Variants in GALNTL6 observed in about 807,000 individuals in gnomAD.
GALNTL6 encodes polypeptide N-acetylgalactosaminyltransferase-like 6.
A neutral mutation model predicts 73.7 loss-of-function variants in GALNTL6; 46 were observed. The ratio of observed to expected loss-of-function variants is 0.62; its 90% confidence interval spans 0.49 to 0.80. The LOEUF is 0.80. GALNTL6 is among the 30% of genes least tolerant of loss of function. The probability of loss-of-function intolerance (pLI) is 0.00; values close to 1 mark genes in which losing one functional copy is unlikely to be tolerated. For missense variants in GALNTL6, 604 were observed against 755.0 expected (o/e 0.80, Z 2.34); for synonymous variants, 259 against 263.7 (o/e 0.98, Z 0.17).
chr4:172,680,514 A>G lies in GALNTL6; in HGVS notation c.554-128847A>G, dbSNP rs565245991. On this transcript the variant is annotated intron_variant, in intron 5 of 12. Coordinates refer to ENST00000506823, the MANE Select transcript of GALNTL6 (RefSeq NM_001034845.3). ...AATTAAGAGATCTAAATTATAGATG[A>G]GACTCTGTTTTTGAGCAGCTGTATG... is the stretch of plus-strand genomic sequence containing the variant. Among the ~76,000 whole-genome samples, 4 of 152,290 alleles carry G rather than the reference A, an allele frequency of 2.6e-5. No homozygotes were observed. In the East Asian group the frequency reaches 7.7e-4, roughly 29 times the overall value.
chr4:172,267,721 TCTC>T (rs1395671931), intron 3 of GALNTL6, among the ~76,000 whole-genome samples: 1 of 152,122 alleles, frequency 6.6e-6, no homozygotes, highest in Non-Finnish European at 1.5e-5. Flanking sequence ...CCAACCTAGC[TCTC>T]CTATTTCTCC....
chr4:172,186,517 A>G (rs1735418892), intron 2 of GALNTL6, among the ~76,000 whole-genome samples: 1 of 152,128 alleles, frequency 6.6e-6, no homozygotes, highest in African/African-American at 2.4e-5. Flanking sequence ...CTCAATGTCT[A>G]CCATCAGATA....
intron 3 of GALNTL6, among the ~76,000 whole-genome samples, chr4:172,242,442 T>G (rs1394639696): frequency 6.6e-6 from 1 of 152,148 alleles, no homozygotes; most frequent in Non-Finnish European, 1.5e-5. Context: ...TTATTTTAAC[T>G]CAAAATATTG....
intron 2 of GALNTL6, among the ~76,000 whole-genome samples, chr4:172,053,764 G>A (rs1373958458): frequency 1.3e-5 from 2 of 152,080 alleles, no homozygotes; most frequent in Non-Finnish European, 2.9e-5. Context: ...CACATATTTT[G>A]TGTGTCTGTG....
intron 3 of GALNTL6, among the ~76,000 whole-genome samples, chr4:172,245,566 CAG>C (rs1737630399): frequency 6.6e-6 from 1 of 152,160 alleles, no homozygotes; most frequent in Non-Finnish European, 1.5e-5. Context: ...GCTGTATTTA[CAG>C]AGAGTCTCCC....
At chr4:172,023,026 CA>C (rs962674717) in intron 2 of GALNTL6, among the ~76,000 whole-genome samples, 7 of 151,856 alleles carry the variant, frequency 4.6e-5, no homozygotes, top group African/African-American at 1.7e-4. Context: ...TTTCTTCTAC[CA>C]AATGCAAGAA....
rs1291013197 is a variant in GALNTL6, at chr4:172,069,625, T to C, written c.139-160031T>C. ...ATATGTTATATATATATAACATATA[T>C]ATATATCCTAAATTTCCTCATACAT... is the stretch of plus-strand genomic sequence containing the variant. On this transcript the variant is annotated intron_variant, in intron 2 of 12. Coordinates refer to ENST00000506823, the MANE Select transcript of GALNTL6 (RefSeq NM_001034845.3). Among the ~76,000 whole-genome samples, 2 of 58,792 alleles carry C rather than the reference T, an allele frequency of 3.4e-5. 1 individual carries two copies. The highest frequency in any genetic ancestry group is 2.1e-4 in the African/African-American group (2 of 9,568). The allele number at this position is 58,792 out of a possible 152,430, so 38.6% of individuals were successfully genotyped here.
At chr4:172,061,007 TG>T (rs1336394695) in intron 2 of GALNTL6, among the ~76,000 whole-genome samples, 2 of 152,104 alleles carry the variant, frequency 1.3e-5, no homozygotes, top group Non-Finnish European at 2.9e-5. Flanking sequence ...GGTACTAATG[TG>T]GGAAAAAAAC....
At chr4:172,526,488 C>T (rs886919741) in intron 5 of GALNTL6, among the ~76,000 whole-genome samples, 14 of 152,118 alleles carry the variant, frequency 9.2e-5, no homozygotes, top group African/African-American at 3.4e-4. Flanking sequence ...CTTTACTTTT[C>T]AATATTATGA....
chr4:171,988,159 G>A (rs1740170946), intron 2 of GALNTL6, among the ~76,000 whole-genome samples: 1 of 152,212 alleles, frequency 6.6e-6, no homozygotes, highest in African/African-American at 2.4e-5. Context: ...AGGTCAAGTT[G>A]TTTGGACAGA....
At chr4:172,322,204 A>C (rs1740784049) in intron 4 of GALNTL6, among the ~76,000 whole-genome samples, 1 of 152,088 alleles carries the variant, frequency 6.6e-6, no homozygotes, top group Admixed American at 6.6e-5. Context: ...TTGATCACTC[A>C]AGTCATGCAC....
chr4:171,969,347 G>A lies in GALNTL6; in HGVS notation c.138+154629G>A, dbSNP rs544614190. 5.1e-4 allele frequency among the ~76,000 whole-genome samples: 78 copies of A among 152,204 alleles called. 1 individual carries two copies. Among genetic ancestry groups the A allele is most frequent in the African/African-American group, 1.8e-3 (75 of 41,546 alleles). ...CTATGGCAAACACTGGAATATAACA[G>A]CAAATGAAATGGATTTGATTCCACA... On this transcript the variant is annotated intron_variant, in intron 2 of 12. Coordinates refer to ENST00000506823, the MANE Select transcript of GALNTL6 (RefSeq NM_001034845.3).
At chr4:172,308,249 G>A (rs1425310237) in intron 3 of GALNTL6, among the ~76,000 whole-genome samples, 1 of 151,326 alleles carries the variant, frequency 6.6e-6, no homozygotes, top group Non-Finnish European at 1.5e-5. Flanking sequence ...GGTTTTCATG[G>A]TACATGATTA....
intron 2 of GALNTL6, among the ~76,000 whole-genome samples, chr4:172,195,116 A>T (rs1735716651): frequency 6.6e-6 from 1 of 152,208 alleles, no homozygotes; most frequent in Non-Finnish European, 1.5e-5. Context: ...TACCAAGCAA[A>T]TGGAAAGCCA....
intron 2 of GALNTL6, among the ~76,000 whole-genome samples, chr4:172,083,855 T>C (rs951742822): frequency 3.9e-5 from 6 of 152,208 alleles, no homozygotes; most frequent in African/African-American, 1.4e-4. Context: ...CAATGCCTCA[T>C]GTACTGTATG....
At chr4:172,241,895 C>A (rs1354928024) in intron 3 of GALNTL6, among the ~76,000 whole-genome samples, 1 of 152,118 alleles carries the variant, frequency 6.6e-6, no homozygotes. Context: ...CACCTCTCAG[C>A]TGTACATTAT....
chr4:172,816,784 G>A (rs1245547550), intron 7 of GALNTL6, among the ~76,000 whole-genome samples: 1 of 152,106 alleles, frequency 6.6e-6, no homozygotes, highest in African/African-American at 2.4e-5. Context: ...TTATATGGTG[G>A]TCATAATTCC....
At chr4:172,922,342 A>C (rs564224625) in intron 8 of GALNTL6, among the ~76,000 whole-genome samples, 1 of 152,246 alleles carries the variant, frequency 6.6e-6, no homozygotes, top group African/African-American at 2.4e-5. Flanking sequence ...TACTACCAAA[A>C]ATTTCTTTTA....
chr4:172,179,224 T>G (rs1735154396), intron 2 of GALNTL6, among the ~76,000 whole-genome samples: 1 of 151,362 alleles, frequency 6.6e-6, no homozygotes, highest in Non-Finnish European at 1.5e-5. Context: ...CCCTGAGGAA[T>G]CGCCACACTG....
Sources: gnomAD v4.1 joint callset for allele counts (sites outside exome capture counted in the v4.1 genomes callset) on GRCh38, gnomAD v4.1.1 for gene constraint, MANE v1.5 for transcripts, NCBI Gene and HGNC (gene_info 2026-07-23, HGNC 2026-07-21) for gene names.